LPP: variants seen among roughly 807,000 people sequenced by gnomAD.
LPP encodes the protein LIM domain containing preferred translocation partner in lipoma.
Under a neutral mutation model 60.4 loss-of-function variants are expected in LPP, and 38 were observed. The observed-to-expected ratio is 0.63, with a 90% CI of 0.49 to 0.83. The LOEUF (loss-of-function observed/expected upper bound fraction) is 0.83, where lower values mean the gene tolerates loss of function less well. Ranked by LOEUF, LPP falls within the 40% of genes least tolerant of loss-of-function variation. The pLI, the probability that LPP is intolerant of heterozygous loss-of-function variation, is 0.00. For missense variants in LPP, 902 were observed against 783.6 expected (o/e 1.15, Z -1.80); for synonymous variants, 328 against 290.8 (o/e 1.13, Z -1.30).
At chr3:188,539,413 T>A (rs1044488220) in intron 6 of LPP, among the ~76,000 whole-genome samples, 1 of 152,140 alleles carries the variant, frequency 6.6e-6, no homozygotes, top group East Asian at 1.9e-4. Flanking sequence ...TAGGGAGTAT[T>A]TGCAAGAAGA....
intron 2 of LPP, among the ~76,000 whole-genome samples, chr3:188,231,083 A>G (rs1170357508): frequency 6.6e-6 from 1 of 152,164 alleles, no homozygotes; most frequent in African/African-American, 2.4e-5. Context: ...TGAGCAAGAG[A>G]GAGTCCCTGA....
chr3:188,703,766 A>G (rs1446376184), intron 7 of LPP, among the ~76,000 whole-genome samples: 1 of 152,228 alleles, frequency 6.6e-6, no homozygotes, highest in Non-Finnish European at 1.5e-5. Context: ...AAAAAGAATG[A>G]TAACGTTTTT....
chr3:188,720,023 C>T (rs1715690050), intron 8 of LPP, among the ~76,000 whole-genome samples: 1 of 152,198 alleles, frequency 6.6e-6, no homozygotes, highest in South Asian at 2.1e-4. Flanking sequence ...AGCTGTGCTC[C>T]TGCCTCAGCC....
At chr3:188,642,613 C>A (rs972983333) in intron 7 of LPP, among the ~76,000 whole-genome samples, 33 of 152,076 alleles carry the variant, frequency 2.2e-4, no homozygotes, top group African/African-American at 2.4e-5. Flanking sequence ...GATAAAATGC[C>A]ATGCTGTGGG....
At chr3:188,517,765 G>C (rs1003932751) in intron 5 of LPP, among the ~76,000 whole-genome samples, 5 of 152,104 alleles carry the variant, frequency 3.3e-5, no homozygotes, top group African/African-American at 1.2e-4. Flanking sequence ...CAGTATGGAG[G>C]AAACTGCCCC....
rs1336683040 is a variant in LPP at position 188,876,096 on chromosome 3, C to A, written c.*1617C>A. The A allele has an allele frequency of 1.1e-5, 2 of 189,980 alleles. No homozygotes were observed. Among genetic ancestry groups the A allele is most frequent in the African/African-American group, 4.7e-5 (2 of 42,902 alleles). The allele number at this position is 189,980 out of a possible 1,614,324, so 11.8% of individuals were successfully genotyped here. ...TACCGTTTCCTTATTCCACAGATAT[C>A]TTTTTCATTATTGTGAAGTGATGTT... On this transcript the variant is annotated 3_prime_UTR_variant, in exon 12 of 12. Transcript: ENST00000617246.
At chr3:188,497,199 A>C (rs1431919972) in intron 5 of LPP, among the ~76,000 whole-genome samples, 1 of 152,082 alleles carries the variant, frequency 6.6e-6, no homozygotes, top group East Asian at 1.9e-4. Flanking sequence ...AATCTATCCT[A>C]CAGCCACTTC....
intron 1 of LPP, among the ~76,000 whole-genome samples, chr3:188,216,506 G>A (rs1397268920): frequency 6.6e-6 from 1 of 152,046 alleles, no homozygotes; most frequent in Non-Finnish European, 1.5e-5. Context: ...CCTGACCTCA[G>A]GTGATCTGCC....
intron 2 of LPP, among the ~76,000 whole-genome samples, chr3:188,227,095 A>G (rs1718049321): frequency 6.6e-6 from 1 of 152,230 alleles, no homozygotes; most frequent in Admixed American, 6.5e-5. Flanking sequence ...ACTTAAAAAA[A>G]TCAAGTGTGT....
At chr3:188,789,042 A>C (rs1211327075) in intron 9 of LPP, among the ~76,000 whole-genome samples, 3 of 150,234 alleles carry the variant, frequency 2.0e-5, no homozygotes, top group Non-Finnish European at 4.4e-5. Flanking sequence ...CACTAACCTC[A>C]GTTATTTTTA....
In LPP at chr3:188,314,597, C is replaced by CTGTGTG. The variant is rs34621159; in HGVS notation, c.-66-27053_-66-27048dup. Among the ~76,000 whole-genome samples, 868 of 149,780 alleles carry CTGTGTG rather than the reference C, an allele frequency of 5.8e-3. 9 individuals carry two copies. The highest frequency in any genetic ancestry group is 0.02 in the African/African-American group (824 of 40,816). On this transcript the variant is annotated intron_variant, in intron 2 of 11. Coordinates refer to ENST00000617246, the MANE Select transcript of LPP (RefSeq NM_001375462.1). The stretch of plus-strand genomic sequence containing the variant: ...TCATAAGTGAGATTATTTGAAAATT[C>CTGTGTG]TGTGTGTGTGTGTGTGTGATCGAGA...
At chr3:188,385,030 C>T (rs1038389153) in intron 3 of LPP, among the ~76,000 whole-genome samples, 1 of 151,496 alleles carries the variant, frequency 6.6e-6, no homozygotes, top group African/African-American at 2.4e-5. Flanking sequence ...TTCACACACA[C>T]CTACCCCTAT....
chr3:188,569,361 A>G (rs1280033091), intron 6 of LPP, among the ~76,000 whole-genome samples: 2 of 151,848 alleles, frequency 1.3e-5, no homozygotes, highest in Non-Finnish European at 2.9e-5. Context: ...GATAATCTGA[A>G]TATACTTGAA....
At chr3:188,339,412 T>G (rs546556430) in intron 2 of LPP, among the ~76,000 whole-genome samples, 55 of 152,314 alleles carry the variant, frequency 3.6e-4, no homozygotes, top group African/African-American at 1.3e-3. Context: ...AGGATTTGTA[T>G]TAGTCCATTC....
chr3:188,671,117 G>T (rs1247028335), intron 7 of LPP, among the ~76,000 whole-genome samples: 1 of 152,092 alleles, frequency 6.6e-6, no homozygotes. Flanking sequence ...CAAGTACTAC[G>T]CAGCTGAAAA....
At chr3:188,255,728 T>G (rs1429751121) in intron 2 of LPP, among the ~76,000 whole-genome samples, 2 of 152,220 alleles carry the variant, frequency 1.3e-5, no homozygotes, top group African/African-American at 4.8e-5. Context: ...ACATGCTTTC[T>G]TAGAATTAGG....
At chr3:188,203,778 T>C (rs920208535) in intron 1 of LPP, among the ~76,000 whole-genome samples, 3 of 150,878 alleles carry the variant, frequency 2.0e-5, no homozygotes, top group Admixed American at 1.3e-4. Context: ...CCTGGCCTTA[T>C]AGCAGGGTTT....
chr3:188,793,473 T>G (rs1028978763), intron 9 of LPP, among the ~76,000 whole-genome samples: 1 of 152,104 alleles, frequency 6.6e-6, no homozygotes, highest in East Asian at 1.9e-4. Context: ...TGAGCCACCA[T>G]GCCCGGCCAC....
Position 188,495,064 on chromosome 3 carries a change from T to TTATATA in LPP, c.306+10374_306+10379dup, listed in dbSNP as rs1192152538. ...CCTTGCTATTATAAGGTTCAGGATT[T>TTATATA]TATATATATATATATATATTTTATT... is the stretch of plus-strand genomic sequence containing the variant. On this transcript the variant is annotated intron_variant, in intron 5 of 11. Coordinates refer to ENST00000617246, the MANE Select transcript of LPP (RefSeq NM_001375462.1). Among the ~76,000 whole-genome samples, 100 of 53,876 alleles carry TTATATA rather than the reference T, an allele frequency of 1.9e-3. 14 individuals carry two copies. In the South Asian group the frequency reaches 0.052, roughly 28 times the overall value. The allele number at this position is 53,876 out of a possible 152,430, so 35.3% of individuals were successfully genotyped here. A position where few individuals can be genotyped will look rare whatever the true frequency, so the allele number is the denominator to read the frequency against.
Sources: allele counts gnomAD v4.1 joint callset (sites outside exome capture counted in the v4.1 genomes callset), GRCh38; gene constraint gnomAD v4.1.1; transcripts MANE v1.5; gene names NCBI Gene and HGNC (gene_info 2026-07-23, HGNC 2026-07-21).